The following DSCAM variants were observed in gnomAD, a reference collection of about 807,000 sequenced individuals.
DSCAM encodes cell adhesion molecule DSCAM.
A neutral mutation model predicts 217.7 loss-of-function variants in DSCAM; 47 were observed. That is an observed-to-expected ratio of 0.22 (90% CI 0.17 to 0.28). The LOEUF (loss-of-function observed/expected upper bound fraction) is 0.28. Among genes scored for constraint, DSCAM ranks in the 10% least tolerant of loss-of-function variants. The probability of loss-of-function intolerance (pLI) is 1.00; values close to 1 mark genes in which losing one functional copy is unlikely to be tolerated. For missense variants in DSCAM, 2,080 were observed against 2,618.3 expected (o/e 0.79, Z 4.49); for synonymous variants, 1,056 against 1,015.3 (o/e 1.04, Z -0.76).
chr21:40,342,626 G>GTGTGTGTATATATATATATATATATA (rs1491362590), intron 6 of DSCAM, among the ~76,000 whole-genome samples: 1 of 94,716 alleles, frequency 1.1e-5, no homozygotes, highest in Non-Finnish European at 1.9e-5. Context: ...GTGTGTGTGT[G>GTGTGTGTATATATATATATATATATA]TATATATATA....
rs547856863 is a variant in DSCAM at position 40,821,022 on chromosome 21, G to A, written c.43+25597C>T. Among the ~76,000 whole-genome samples the A allele has an allele frequency of 1.6e-3, 236 of 149,270 alleles. 1 individual carries two copies. The highest frequency in any genetic ancestry group is 5.4e-3 in the African/African-American group (216 of 40,186). On this transcript the variant is annotated intron_variant, in intron 1 of 32. Transcript: ENST00000400454. ...ATGAACTGTAGTTGGGGAGGGCTTC[G>A]CAGATATATATATATCTTCACATAT...
At chr21:40,101,893 T>A (rs2089756909) in intron 20 of DSCAM, among the ~76,000 whole-genome samples, 1 of 152,128 alleles carries the variant, frequency 6.6e-6, no homozygotes, top group Admixed American at 6.5e-5. Context: ...AGAAGCTTGT[T>A]GGACTATCGT....
intron 3 of DSCAM, among the ~76,000 whole-genome samples, chr21:40,624,606 G>A (rs1338258193): frequency 1.3e-5 from 2 of 152,152 alleles, no homozygotes; most frequent in East Asian, 3.8e-4. Context: ...CCAAAGAAAA[G>A]AAGGAAGGCT....
intron 15 of DSCAM, among the ~76,000 whole-genome samples, chr21:40,173,876 T>A (rs573526477): frequency 6.6e-5 from 10 of 152,268 alleles, no homozygotes; most frequent in African/African-American, 2.4e-4. Context: ...TCAAATTCAG[T>A]GGTGTTTCAA....
chr21:40,636,941 T>C (rs2089769106), intron 3 of DSCAM, among the ~76,000 whole-genome samples: 1 of 149,954 alleles, frequency 6.7e-6, no homozygotes, highest in Admixed American at 6.8e-5. Context: ...CCCAGCTTTG[T>C]CATCTCAGCA....
At chr21:40,018,881 CTGAT>C (rs749068287) in intron 32 of DSCAM, among the ~76,000 whole-genome samples, 7 of 152,318 alleles carry the variant, frequency 4.6e-5, no homozygotes, top group East Asian at 3.9e-4. Context: ...TCCAATATCT[CTGAT>C]TGATCCAGTT....
Position 40,158,488 on chromosome 21 carries a change from C to T in DSCAM, c.3018+8730G>A, listed in dbSNP as rs368385149. ...CTGTATGTTCCCTGTTAGGAATGTG[C>T]TAGAAGCATTCAGACCAAGGGCCCC... is the stretch of plus-strand genomic sequence containing the variant. On this transcript the variant is annotated intron_variant, in intron 16 of 32. Transcript: ENST00000400454. Among the ~76,000 whole-genome samples, 274 of 152,274 alleles carry T rather than the reference C, an allele frequency of 1.8e-3. 1 individual carries two copies. The highest frequency in any genetic ancestry group is 6.3e-3 in the African/African-American group (260 of 41,552).
intron 11 of DSCAM, among the ~76,000 whole-genome samples, chr21:40,247,346 C>G (rs2073240149): frequency 6.6e-6 from 1 of 152,186 alleles, no homozygotes; most frequent in Admixed American, 6.5e-5. Context: ...TCCAAAGTCT[C>G]ATCTGAGACA....
intron 11 of DSCAM, among the ~76,000 whole-genome samples, chr21:40,261,899 G>A (rs1358426406): frequency 1.3e-5 from 2 of 152,024 alleles, no homozygotes; most frequent in African/African-American, 4.8e-5. Context: ...GAGACAGGGA[G>A]GTAATTACTT....
intron 14 of DSCAM, among the ~76,000 whole-genome samples, chr21:40,182,585 A>G (rs1177315134): frequency 4.3e-4 from 39 of 91,352 alleles, no homozygotes; most frequent in South Asian, 1.6e-3. Context: ...AACTGTGGAC[A>G]GGAGGGGCCA....
intron 8 of DSCAM, among the ~76,000 whole-genome samples, chr21:40,317,925 C>T (rs1407760135): frequency 4.6e-5 from 7 of 152,098 alleles, no homozygotes; most frequent in Non-Finnish European, 8.8e-5. Context: ...TTAGACAATC[C>T]TGAAGTCATT....
At chr21:40,515,555 A>T (rs1405346832) in intron 3 of DSCAM, among the ~76,000 whole-genome samples, 1 of 152,192 alleles carries the variant, frequency 6.6e-6, no homozygotes, top group Non-Finnish European at 1.5e-5. Context: ...AAAAAATTAA[A>T]ATTTAACTGT....
intron 2 of DSCAM, among the ~76,000 whole-genome samples, chr21:40,702,105 G>A (rs1444208784): frequency 1.3e-5 from 2 of 151,984 alleles, no homozygotes; most frequent in Non-Finnish European, 2.9e-5. Context: ...GTATTTTGAA[G>A]TTTTGTTGTT....
At chr21:40,744,663 C>T (rs1048455639) in intron 1 of DSCAM, among the ~76,000 whole-genome samples, 1 of 152,072 alleles carries the variant, frequency 6.6e-6, no homozygotes. Context: ...ACTAATAACA[C>T]CAGCAGAAGC....
chr21:40,247,847 G>A (rs1337709790), intron 11 of DSCAM, among the ~76,000 whole-genome samples: 1 of 152,234 alleles, frequency 6.6e-6, no homozygotes, highest in Non-Finnish European at 1.5e-5. Context: ...CCCTAGCAGA[G>A]ATTCTCCATG....
chr21:40,481,034 C>T lies in DSCAM; in HGVS notation c.509-111789G>A, dbSNP rs142429126. Among the ~76,000 whole-genome samples the T allele has an allele frequency of 1.7e-3, 252 of 152,302 alleles. 3 individuals carry two copies. Among genetic ancestry groups the T allele is most frequent in the East Asian group, 0.014 (75 of 5,174 alleles). ...CCTGAAATGCTGCAGCTAGAAGGCC[C>T]GCACCAGATGCGGCCCTTTGACCTT... On this transcript the variant is annotated intron_variant, in intron 3 of 32. Coordinates refer to ENST00000400454, the MANE Select transcript of DSCAM (RefSeq NM_001389.5).
At chr21:40,411,572 A>C (rs1382221672) in intron 3 of DSCAM, among the ~76,000 whole-genome samples, 1 of 152,182 alleles carries the variant, frequency 6.6e-6, no homozygotes, top group Non-Finnish European at 1.5e-5. Context: ...TAAAGCAAAA[A>C]GATATAAAAA....
At chr21:40,180,710 T>C (rs540085781) in intron 14 of DSCAM, among the ~76,000 whole-genome samples, 5 of 152,140 alleles carry the variant, frequency 3.3e-5, no homozygotes, top group African/African-American at 4.8e-5. Context: ...CCAGGCAACA[T>C]TGAAGTTTCT....
At chr21:40,809,837 C>T (rs1160517627) in intron 1 of DSCAM, among the ~76,000 whole-genome samples, 1 of 152,130 alleles carries the variant, frequency 6.6e-6, no homozygotes, top group Non-Finnish European at 1.5e-5. Context: ...CCCAGATGGC[C>T]CTTGCACGTG....
Sources: gnomAD v4.1 joint callset for allele counts (sites outside exome capture counted in the v4.1 genomes callset) on GRCh38, gnomAD v4.1.1 for gene constraint, MANE v1.5 for transcripts, NCBI Gene and HGNC (gene_info 2026-07-23, HGNC 2026-07-21) for gene names.